The following EXOC6B variants were observed in gnomAD, a reference collection of about 807,000 sequenced individuals.
The protein encoded by EXOC6B is exocyst complex component 6B, also known as SEC15 homolog B.
In EXOC6B, 54 loss-of-function variants were observed where a neutral mutation model predicts 113.5. That is an observed-to-expected ratio of 0.48 (90% confidence interval 0.38 to 0.60). EXOC6B has a LOEUF of 0.60. Ranked by LOEUF, EXOC6B falls within the 20% of genes least tolerant of loss-of-function variation. The probability of loss-of-function intolerance (pLI) is 0.00; values close to 1 mark genes in which losing one functional copy is unlikely to be tolerated. For synonymous variants in EXOC6B, 357 were observed against 339.0 expected, an observed-to-expected ratio of 1.05 and a Z score of -0.58; for missense variants, 797 against 977.5, an observed-to-expected ratio of 0.82 and a Z score of 2.46.
intron 6 of EXOC6B, among the ~76,000 whole-genome samples, chr2:72,677,389 A>G (rs1323738252): frequency 6.6e-6 from 1 of 152,120 alleles, no homozygotes. Context: ...AAAAAAAACA[A>G]AAAAAGGAAA....
At chr2:72,748,634 T>C (rs1435070256) in intron 1 of EXOC6B, among the ~76,000 whole-genome samples, 1 of 152,058 alleles carries the variant, frequency 6.6e-6, no homozygotes, top group Admixed American at 6.6e-5. Context: ...TTTCCAGCTC[T>C]GAAGATACCA....
At chr2:72,774,267 T>C (rs996323662) in intron 1 of EXOC6B, among the ~76,000 whole-genome samples, 19 of 152,244 alleles carry the variant, frequency 1.2e-4, no homozygotes, top group African/African-American at 4.1e-4. Flanking sequence ...CAACAGAAAA[T>C]TCTGCATATG....
At chr2:72,549,411 A>G (rs1421388930) in intron 8 of EXOC6B, among the ~76,000 whole-genome samples, 2 of 152,174 alleles carry the variant, frequency 1.3e-5, no homozygotes, top group East Asian at 1.9e-4. Context: ...TAATTTTAGG[A>G]TAGGAAAAGA....
chr2:72,219,926 C>T (rs1276030122), intron 20 of EXOC6B, among the ~76,000 whole-genome samples: 2 of 152,050 alleles, frequency 1.3e-5, no homozygotes, highest in Non-Finnish European at 1.5e-5. Context: ...CAGTTGAAGA[C>T]GGGTCCATGT....
intron 20 of EXOC6B, among the ~76,000 whole-genome samples, chr2:72,193,355 G>A (rs1199554045): frequency 3.3e-5 from 5 of 152,134 alleles, no homozygotes; most frequent in African/African-American, 1.2e-4. Flanking sequence ...CCAACTCCCT[G>A]TCTCTGGTGC....
chr2:72,503,452 A>T (rs1282652416), intron 11 of EXOC6B, among the ~76,000 whole-genome samples: 1 of 152,190 alleles, frequency 6.6e-6, no homozygotes, highest in African/African-American at 2.4e-5. Context: ...TATAGTATGT[A>T]GCCTTTTCAG....
At chr2:72,338,680 A>C (rs764005732) in intron 19 of EXOC6B, among the ~76,000 whole-genome samples, 7 of 152,122 alleles carry the variant, frequency 4.6e-5, no homozygotes, top group Non-Finnish European at 1.0e-4. Flanking sequence ...GCATTAGAAA[A>C]TGTGAATATT....
chr2:72,285,139 G>T (rs1685350450), intron 20 of EXOC6B, among the ~76,000 whole-genome samples: 2 of 151,900 alleles, frequency 1.3e-5, no homozygotes, highest in South Asian at 4.1e-4. Flanking sequence ...TTTATATGAA[G>T]AGGCAATATA....
At chr2:72,754,199 T>C (rs1472851013) in intron 1 of EXOC6B, among the ~76,000 whole-genome samples, 1 of 152,052 alleles carries the variant, frequency 6.6e-6, no homozygotes, top group Non-Finnish European at 1.5e-5. Context: ...GAAGCTGCTC[T>C]TCTTACCAAC....
At chr2:72,431,485 T>TTCTC (rs766066651) in intron 18 of EXOC6B, among the ~76,000 whole-genome samples, 15 of 133,784 alleles carry the variant, frequency 1.1e-4, no homozygotes, top group East Asian at 6.7e-4. Context: ...CTTGATTTCT[T>TTCTC]TATCTATCTA....
chr2:72,800,308 A>G (rs1164169941), intron 1 of EXOC6B, among the ~76,000 whole-genome samples: 1 of 152,148 alleles, frequency 6.6e-6, no homozygotes, highest in Non-Finnish European at 1.5e-5. Flanking sequence ...CACTATTCTT[A>G]TCACCCAGTT....
chr2:72,493,233 G>A (rs1012481585), intron 15 of EXOC6B, among the ~76,000 whole-genome samples: 1 of 151,240 alleles, frequency 6.6e-6, no homozygotes, highest in Non-Finnish European at 1.5e-5. Context: ...GTCCCATCAT[G>A]GTTTTCGGAC....
Position 72,565,349 on chromosome 2 carries a change from T to TAA in EXOC6B, c.847-5830_847-5829dup, listed in dbSNP as rs10672375. On this transcript the variant is annotated intron_variant, in intron 7 of 21. Coordinates refer to ENST00000272427, the MANE Select transcript of EXOC6B (RefSeq NM_015189.3). ...CTGAGTGACAGAGTGAGACCCTGTC[T>TAA]AAAAAAAAAAAAAAAAAAAAAAAAA... Among the ~76,000 whole-genome samples, 278 of 44,882 alleles carry TAA rather than the reference T, an allele frequency of 6.2e-3. 23 individuals are homozygous for TAA. The highest frequency in any genetic ancestry group is 0.019 in the African/African-American group (185 of 9,978). 29.4% of individuals were successfully genotyped at this position (44,882 alleles called of 152,430 possible). A position where few individuals can be genotyped will look rare whatever the true frequency, so the allele number is the denominator to read the frequency against.
At chr2:72,328,489 A>G (rs2104855875) in intron 20 of EXOC6B, among the ~76,000 whole-genome samples, 1 of 152,202 alleles carries the variant, frequency 6.6e-6, no homozygotes, top group South Asian at 2.1e-4. Context: ...GGAGAAGAGA[A>G]TGTTATACAA....
intron 1 of EXOC6B, among the ~76,000 whole-genome samples, chr2:72,805,488 T>G (rs1685530710): frequency 1.3e-5 from 2 of 152,200 alleles, no homozygotes; most frequent in Admixed American, 1.3e-4. Context: ...TACTATTTAT[T>G]TTTAGTATTT....
chr2:72,685,010 C>T (rs2104562855), intron 6 of EXOC6B, among the ~76,000 whole-genome samples: 1 of 152,200 alleles, frequency 6.6e-6, no homozygotes, highest in East Asian at 1.9e-4. Context: ...CAAATATTGA[C>T]CTCTAACTAA....
At chr2:72,182,612 C>T (rs184533689) in intron 21 of EXOC6B, among the ~76,000 whole-genome samples, 1 of 152,052 alleles carries the variant, frequency 6.6e-6, no homozygotes, top group African/African-American at 2.4e-5. Context: ...ATTGAGTGTG[C>T]CAAGAAGCTG....
chr2:72,593,643 T>TAAA (rs70963131), intron 6 of EXOC6B, among the ~76,000 whole-genome samples: 12 of 137,132 alleles, frequency 8.8e-5, no homozygotes, highest in East Asian at 2.1e-4. Flanking sequence ...ATAGGGATCT[T>TAAA]AAAAAAAAAA....
intron 15 of EXOC6B, among the ~76,000 whole-genome samples, chr2:72,494,540 T>C (rs1177372766): frequency 6.6e-6 from 1 of 152,168 alleles, no homozygotes; most frequent in African/African-American, 2.4e-5. Context: ...CCCAACTATG[T>C]TTATTTTCAG....
Sources: gnomAD v4.1 joint callset for allele counts (sites outside exome capture counted in the v4.1 genomes callset) on GRCh38, gnomAD v4.1.1 for gene constraint, MANE v1.5 for transcripts, NCBI Gene and HGNC (gene_info 2026-07-23, HGNC 2026-07-21) for gene names.